PPP1R12A: variants seen among roughly 807,000 people sequenced by gnomAD.
PPP1R12A encodes the protein myosin binding subunit.
PPP1R12A carries 19 observed loss-of-function variants against 139.6 expected under a neutral mutation model. The observed-to-expected ratio is 0.14, with a 90% CI of 0.09 to 0.20. The LOEUF (loss-of-function observed/expected upper bound fraction) is 0.20, where lower values mean the gene tolerates loss of function less well. Ranked by LOEUF, PPP1R12A falls within the 10% of genes least tolerant of loss-of-function variation. The probability of loss-of-function intolerance (pLI) is 1.00; values close to 1 mark genes in which losing one functional copy is unlikely to be tolerated. For synonymous variants in PPP1R12A, 427 were observed against 420.6 expected, an observed-to-expected ratio of 1.02 and a Z score of -0.19; for missense variants, 925 against 1,211.5, an observed-to-expected ratio of 0.76 and a Z score of 3.51.
At chr12:79,887,316 CTAGAT>C (rs1257401093) in intron 1 of PPP1R12A, among the ~76,000 whole-genome samples, 1 of 147,002 alleles carries the variant, frequency 6.8e-6, no homozygotes, top group Non-Finnish European at 1.5e-5. Flanking sequence ...CTTCTCCTGG[CTAGAT>C]TATAGTTCCT....
At chr12:79,776,707 A>T (rs1479403109) in intron 24 of PPP1R12A, among the ~76,000 whole-genome samples, 3 of 152,088 alleles carry the variant, frequency 2.0e-5, no homozygotes, top group Non-Finnish European at 4.4e-5. Flanking sequence ...AACACATCTC[A>T]ATTTTCTGTT....
intron 1 of PPP1R12A, among the ~76,000 whole-genome samples, chr12:79,930,213 G>C (rs900876440): frequency 6.6e-6 from 1 of 152,258 alleles, no homozygotes. Flanking sequence ...AGGATAAAAG[G>C]CATGGCTAAA....
At chr12:79,825,014 A>T (rs1351297864) in intron 5 of PPP1R12A, 1 of 152,106 alleles carries the variant, frequency 6.6e-6, no homozygotes, top group African/African-American at 2.4e-5. Flanking sequence ...TCTTCACAAC[A>T]ACGAATAATG....
At chr12:79,827,729 T>C (rs1206293761) in intron 5 of PPP1R12A, among the ~76,000 whole-genome samples, 3 of 152,150 alleles carry the variant, frequency 2.0e-5, no homozygotes, top group Non-Finnish European at 4.4e-5. Context: ...GTAATTGTGG[T>C]ATTAAGTACA....
chr12:79,855,282 C>T (rs950021454), intron 2 of PPP1R12A, among the ~76,000 whole-genome samples: 1 of 152,152 alleles, frequency 6.6e-6, no homozygotes, highest in African/African-American at 2.4e-5. Flanking sequence ...GCCACCGCGC[C>T]TGGCCCCCAA....
intron 21 of PPP1R12A, 33 bp downstream of exon 21, chr12:79,788,613 ACT>A: frequency 3.9e-6 from 6 of 1,536,936 alleles, no homozygotes; most frequent in Non-Finnish European, 5.3e-6. Context: ...ATAAAAGATA[ACT>A]TTTTATTAAA....
At chr12:79,779,015 T>C (rs1870087239) in intron 23 of PPP1R12A, 1 of 245,492 alleles carries the variant, frequency 4.1e-6, no homozygotes, top group Non-Finnish European at 8.3e-6. Context: ...ACTTTGCAAT[T>C]TCAGAGGAAT....
intron 22 of PPP1R12A, among the ~76,000 whole-genome samples, chr12:79,783,794 A>G (rs551868638): frequency 1.3e-5 from 2 of 152,360 alleles, no homozygotes; most frequent in African/African-American, 4.8e-5. Flanking sequence ...TTCATTGATT[A>G]GAAAACATTA....
chr12:79,820,541 TA>T lies in PPP1R12A; in HGVS notation c.1114+232del, dbSNP rs546449253. Among the ~76,000 whole-genome samples the T allele has an allele frequency of 1.4e-3, 216 of 152,290 alleles. 1 individual carries two copies. The highest frequency in any genetic ancestry group is 5.0e-3 in the African/African-American group (206 of 41,564). On this transcript the variant is annotated intron_variant, in intron 8 of 24. Transcript: ENST00000450142. The stretch of plus-strand genomic sequence containing the variant: ...GTCTTAGAAGCCTCTGCAACTTCTT[TA>T]AATATAGGTCGGCAAAATGCAGAGG...
At position 79,810,076 on chromosome 12, in the gene PPP1R12A, G is replaced by A. The variant is rs969413258; in HGVS notation, c.1240-66C>T. On this transcript the variant is annotated intron_variant, in intron 9 of 24. Transcript: ENST00000450142. Reference sequence around the variant, plus strand: ...GTAAAGCTGATCAGTCCTTAAATTGGAAACAATAAGTTTACAGATAATATA... The same window carrying A: ...GTAAAGCTGATCAGTCCTTAAATTGAAAACAATAAGTTTACAGATAATATA... 2.2e-5 allele frequency: 27 copies of A among 1,208,890 alleles called. No homozygotes were observed. The African/African-American group carries it at 4.0e-4, about 18-fold the overall frequency. The allele number at this position is 1,208,890 out of a possible 1,614,324, so 74.9% of individuals were successfully genotyped here.
chr12:79,834,759 G>A (rs1261887414), intron 3 of PPP1R12A, among the ~76,000 whole-genome samples: 1 of 152,082 alleles, frequency 6.6e-6, no homozygotes, highest in East Asian at 1.9e-4. Context: ...TATGCCATGG[G>A]CATCTCAAAC....
chr12:79,798,406 G>T (rs1468693546), intron 15 of PPP1R12A, 88 bp downstream of exon 15: 2 of 810,604 alleles, frequency 2.5e-6, no homozygotes, highest in Admixed American at 2.8e-5. Context: ...GTGAAAAAGA[G>T]AAAGGTAACT....
chr12:79,803,927 A>G (rs926045308), intron 14 of PPP1R12A, among the ~76,000 whole-genome samples: 1 of 152,154 alleles, frequency 6.6e-6, no homozygotes, highest in African/African-American at 2.4e-5. Context: ...GTTAAGAATC[A>G]TAATTTGTTC....
chr12:79,837,965 A>G (rs545543490), intron 3 of PPP1R12A, among the ~76,000 whole-genome samples: 3 of 152,324 alleles, frequency 2.0e-5, no homozygotes, highest in African/African-American at 7.2e-5. Context: ...GCACAGTTGT[A>G]AAGATACCCA....
chr12:79,925,511 G>A (rs1887771561), intron 1 of PPP1R12A, among the ~76,000 whole-genome samples: 1 of 152,170 alleles, frequency 6.6e-6, no homozygotes, highest in African/African-American at 2.4e-5. Context: ...TTTTTATTAA[G>A]TGAAGCTCTC....
chr12:79,778,516 G>A (rs1228486734), intron 24 of PPP1R12A, 34 bp downstream of exon 24: 28 of 1,379,942 alleles, frequency 2.0e-5, no homozygotes, highest in Non-Finnish European at 2.5e-5. Flanking sequence ...TACATAAACA[G>A]CACTCTCTCT....
chr12:79,916,229 T>C (rs1592827421), intron 1 of PPP1R12A, among the ~76,000 whole-genome samples: 1 of 152,272 alleles, frequency 6.6e-6, no homozygotes. Context: ...AGCCATTCCA[T>C]CAGTTGCCTT....
chr12:79,832,110 A>G (rs901944194), intron 4 of PPP1R12A, among the ~76,000 whole-genome samples: 2 of 152,180 alleles, frequency 1.3e-5, no homozygotes, highest in Admixed American at 6.5e-5. Flanking sequence ...ACTTACTGGA[A>G]AATCACAACT....
chr12:79,925,951 G>C (rs146135275), intron 1 of PPP1R12A, among the ~76,000 whole-genome samples: 273 of 152,146 alleles, frequency 1.8e-3, no homozygotes, highest in Non-Finnish European at 2.7e-3. Flanking sequence ...TATTGGTAGA[G>C]ACACCGTCTC....
Sources: allele counts gnomAD v4.1 joint callset (sites outside exome capture counted in the v4.1 genomes callset), GRCh38; gene constraint gnomAD v4.1.1; transcripts MANE v1.5; gene names NCBI Gene and HGNC (gene_info 2026-07-23, HGNC 2026-07-21).